Variants in SCN9A observed in about 807,000 individuals in gnomAD.
SCN9A encodes sodium channel protein type 9 subunit alpha.
In SCN9A, 131 loss-of-function variants were observed where a neutral mutation model predicts 187.0. The ratio of observed to expected loss-of-function variants is 0.70; its 90% CI spans 0.61 to 0.81. The LOEUF (loss-of-function observed/expected upper bound fraction) is 0.81, where lower values mean the gene tolerates loss of function less well. SCN9A is among the 30% of genes least tolerant of loss of function. The pLI, the probability that SCN9A is intolerant of heterozygous loss-of-function variation, is 0.00. For missense variants in SCN9A, 2,252 were observed against 2,396.6 expected (o/e 0.94, Z 1.26); for synonymous variants, 809 against 808.6 (o/e 1.00, Z -0.01).
chr2:166,273,228 A>T (rs1279526678), intron 16 of SCN9A, among the ~76,000 whole-genome samples: 1 of 152,122 alleles, frequency 6.6e-6, no homozygotes, highest in Non-Finnish European at 1.5e-5. Context: ...TTATGAACCC[A>T]AAAAACTCTC....
At chr2:166,280,690 G>T in intron 13 of SCN9A, 95 bp from the exon 14 acceptor site, 1 of 722,042 alleles carries the variant, frequency 1.4e-6, no homozygotes, top group Non-Finnish European at 2.3e-6. Flanking sequence ...ATTGAAACAA[G>T]GTTTATAGTT....
intron 1 of SCN9A, among the ~76,000 whole-genome samples, chr2:166,340,339 A>G (rs958059985): frequency 1.3e-5 from 2 of 152,178 alleles, no homozygotes; most frequent in African/African-American, 4.8e-5. Context: ...GTGTTTCCAC[A>G]TTGATTGCAA....
chr2:166,370,385 T>C (rs1574974826), intron 1 of SCN9A, among the ~76,000 whole-genome samples: 1 of 150,948 alleles, frequency 6.6e-6, no homozygotes, highest in East Asian at 2.0e-4. Context: ...CTACTAAAAA[T>C]ACAAAAACAT....
At chr2:166,319,817 AG>A (rs1699194903) in intron 1 of SCN9A, among the ~76,000 whole-genome samples, 1 of 152,118 alleles carries the variant, frequency 6.6e-6, no homozygotes, top group Non-Finnish European at 1.5e-5. Flanking sequence ...TGAGAGGTAG[AG>A]GGGGATTAGT....
intron 24 of SCN9A, among the ~76,000 whole-genome samples, chr2:166,213,337 A>C (rs1477390326): frequency 1.3e-5 from 2 of 151,620 alleles, no homozygotes; most frequent in Non-Finnish European, 2.9e-5. Context: ...CAAAGAGACT[A>C]CCATGAACAA....
At chr2:166,233,228 G>T in intron 21 of SCN9A, 112 bp downstream of exon 21, 5 of 673,408 alleles carry the variant, frequency 7.4e-6, no homozygotes, top group Non-Finnish European at 1.1e-5. Flanking sequence ...TACATAAACA[G>T]CCTATGTATT....
At chr2:166,202,827 C>T (rs186393691) in intron 26 of SCN9A, among the ~76,000 whole-genome samples, 1 of 151,556 alleles carries the variant, frequency 6.6e-6, no homozygotes, top group African/African-American at 2.4e-5. Flanking sequence ...CTTTTGAACT[C>T]TAATTGAATT....
rs530908028 is a variant in SCN9A at position 166,229,107 on chromosome 2, C to T, written c.3925-135G>A. On this transcript the variant is annotated intron_variant, in intron 21 of 26. Transcript: ENST00000642356. ...TATCTAAGACATCAAACCAACCAGC[C>T]GACTCATGTTTATTAAATGCCTACT... 5.7e-5 allele frequency: 37 copies of T among 644,842 alleles called. 1 individual carries two copies. Among genetic ancestry groups the T allele is most frequent in the African/African-American group, 2.7e-4 (15 of 54,920 alleles). The allele number at this position is 644,842 out of a possible 1,614,324, so 39.9% of individuals were successfully genotyped here. A position where few individuals can be genotyped will look rare whatever the true frequency, so the allele number is the denominator to read the frequency against.
At chr2:166,284,941 A>G in intron 11 of SCN9A, 117 bp from the exon 12 acceptor site, 2 of 1,089,622 alleles carry the variant, frequency 1.8e-6, no homozygotes, top group Non-Finnish European at 2.5e-6. Context: ...CTGACTTAAA[A>G]GAAACATACT....
At chr2:166,346,993 T>G (rs569291008) in intron 1 of SCN9A, among the ~76,000 whole-genome samples, 2 of 152,170 alleles carry the variant, frequency 1.3e-5, no homozygotes, top group Non-Finnish European at 2.9e-5. Flanking sequence ...AAATAGGGAA[T>G]TGGGACTGGG....
At chr2:166,231,160 A>G (rs1277618502) in intron 21 of SCN9A, among the ~76,000 whole-genome samples, 1 of 152,216 alleles carries the variant, frequency 6.6e-6, no homozygotes, top group Non-Finnish European at 1.5e-5. Context: ...TAATCACTGA[A>G]GGAAGTGGTT....
chr2:166,274,202 C>T (rs1697127387), intron 16 of SCN9A, among the ~76,000 whole-genome samples: 1 of 152,122 alleles, frequency 6.6e-6, no homozygotes, highest in South Asian at 2.1e-4. Flanking sequence ...TTGAGAACAG[C>T]TGCTGTGACA....
chr2:166,333,832 A>C (rs531103846), intron 1 of SCN9A, among the ~76,000 whole-genome samples: 1 of 152,046 alleles, frequency 6.6e-6, no homozygotes, highest in African/African-American at 2.4e-5. Context: ...TGACAAATGT[A>C]AAAATAATTA....
chr2:166,318,681 A>G (rs919601412), intron 1 of SCN9A, among the ~76,000 whole-genome samples: 6 of 152,186 alleles, frequency 3.9e-5, no homozygotes, highest in Non-Finnish European at 7.4e-5. Flanking sequence ...AGGAGAAGTC[A>G]TAATTGTAGT....
At chr2:166,246,224 C>A (rs1410651588) in intron 18 of SCN9A, among the ~76,000 whole-genome samples, 2 of 151,632 alleles carry the variant, frequency 1.3e-5, no homozygotes, top group East Asian at 3.9e-4. Flanking sequence ...AGACTTGATT[C>A]CCCAAAAAGA....
intron 17 of SCN9A, among the ~76,000 whole-genome samples, chr2:166,254,943 G>C (rs1021249912): frequency 6.6e-6 from 1 of 151,398 alleles, no homozygotes; most frequent in African/African-American, 2.4e-5. Context: ...CCTTTTTATT[G>C]AATAATATGA....
rs1173462730 is a variant in SCN9A at position 166,198,202 on chromosome 2, A to C, written c.*470T>G. The C allele has an allele frequency of 6.4e-6, 1 of 156,580 alleles. No homozygotes were observed. Among genetic ancestry groups the C allele is most frequent in the East Asian group, 1.9e-4 (1 of 5,340 alleles). 9.7% of individuals were successfully genotyped at this position (156,580 alleles called of 1,614,324 possible). A position where few individuals can be genotyped will look rare whatever the true frequency, so the allele number is the denominator to read the frequency against. The stretch of plus-strand genomic sequence containing the variant: ...CCCTAATAATGCATTTTAACTAAAC[A>C]TTCATAACTAATGTCCATTACTTCT... On this transcript the variant is annotated 3_prime_UTR_variant, in exon 27 of 27. Transcript: ENST00000642356.
intron 24 of SCN9A, among the ~76,000 whole-genome samples, chr2:166,215,308 G>A (rs1050882106): frequency 1.3e-5 from 2 of 151,848 alleles, no homozygotes; most frequent in African/African-American, 4.8e-5. Context: ...AGCCCTGAGA[G>A]AAAAATTTAT....
At chr2:166,203,449 T>C (rs1001269111) in intron 26 of SCN9A, among the ~76,000 whole-genome samples, 2 of 151,964 alleles carry the variant, frequency 1.3e-5, no homozygotes, top group Non-Finnish European at 2.9e-5. Flanking sequence ...TGAGGAATGA[T>C]TGGCATTTTA....
Sources: allele counts gnomAD v4.1 joint callset (sites outside exome capture counted in the v4.1 genomes callset), GRCh38; gene constraint gnomAD v4.1.1; transcripts MANE v1.5; gene names NCBI Gene and HGNC (gene_info 2026-07-23, HGNC 2026-07-21).